The following PTPRS variants were observed in gnomAD, a reference collection of about 807,000 sequenced individuals.
The protein encoded by PTPRS is protein tyrosine phosphatase receptor type S, also known as receptor-type tyrosine-protein phosphatase S.
PTPRS carries 63 observed loss-of-function variants against 215.3 expected under a neutral mutation model. That is an observed-to-expected ratio of 0.29 (90% CI 0.24 to 0.36). The LOEUF is 0.36. PTPRS is among the 10% of genes least tolerant of loss of function. The pLI, the probability that PTPRS is intolerant of heterozygous loss-of-function variation, is 1.00. For missense variants in PTPRS, 2,258 were observed against 2,825.8 expected (o/e 0.80, Z 4.56); for synonymous variants, 1,404 against 1,191.4 (o/e 1.18, Z -3.68).
chr19:5,234,449 A>G (rs1427937389), intron 13 of PTPRS, among the ~76,000 whole-genome samples: 1 of 152,174 alleles, frequency 6.6e-6, no homozygotes, highest in Non-Finnish European at 1.5e-5. Flanking sequence ...TAAAGATCAC[A>G]GCACTTCTGT....
chr19:5,267,489 T>C (rs1396970297), intron 4 of PTPRS, among the ~76,000 whole-genome samples: 1 of 151,908 alleles, frequency 6.6e-6, no homozygotes, highest in African/African-American at 2.4e-5. Flanking sequence ...AAACCCCGTC[T>C]CTACTAAAAA....
At chr19:5,312,545 C>T (rs1198278008) in intron 1 of PTPRS, among the ~76,000 whole-genome samples, 2 of 152,052 alleles carry the variant, frequency 1.3e-5, no homozygotes, top group Non-Finnish European at 2.9e-5. Context: ...CCTGTAGTCC[C>T]AGCCACTTGA....
At position 5,257,533 on chromosome 19, in the gene PTPRS, G is replaced by A; in HGVS notation, c.706+484C>T. On this transcript the variant is annotated intron_variant, in intron 8 of 37. Transcript: ENST00000262963. This position sits in a 1 kb window ranked among gnomAD's most constrained non-coding sequence, Gnocchi z 4.4. Reference sequence around the variant, plus strand: ...ACCCCTCCTCAACTTCTAGATTGAGGGCCCTGGATTAGGGGGGGCAGTGAA... The same window carrying A: ...ACCCCTCCTCAACTTCTAGATTGAGAGCCCTGGATTAGGGGGGGCAGTGAA... 1 of 449,074 alleles carries A rather than the reference G, an allele frequency of 2.2e-6. No individual in the cohort carries two copies. Among genetic ancestry groups the A allele is most frequent in the Non-Finnish European group, 4.5e-6 (1 of 223,432 alleles). 27.8% of individuals were successfully genotyped at this position (449,074 alleles called of 1,614,324 possible).
rs116727277 is a variant in PTPRS, at chr19:5,212,256, G to A, written c.4770-6C>T. On this transcript the variant is annotated splice_region_variant and splice_polypyrimidine_tract_variant and intron_variant, in intron 31 of 37. Coordinates refer to ENST00000262963, the MANE Select transcript of PTPRS (RefSeq NM_002850.4). The stretch of plus-strand genomic sequence containing the variant: ...CTGTGCGGCCCACACCGGCACTGCA[G>A]GGACAGCCACGTGGCGTTCAGGGGC... The A allele has an allele frequency of 2.7e-3, 4,323 of 1,609,414 alleles. 82 individuals carry two copies. The African/African-American group carries it at 0.048, about 18-fold the overall frequency.
chr19:5,222,335 G>C (rs546402538), intron 18 of PTPRS, 115 bp from the exon 19 acceptor site: 1 of 867,162 alleles, frequency 1.2e-6, no homozygotes, highest in Non-Finnish European at 1.9e-6. Context: ...CCTGTCGTCC[G>C]CTGTGCCCAT....
At chr19:5,306,924 C>T (rs1013184354) in intron 1 of PTPRS, among the ~76,000 whole-genome samples, 2 of 152,176 alleles carry the variant, frequency 1.3e-5, no homozygotes, top group East Asian at 1.9e-4. Flanking sequence ...GACACTTTCC[C>T]GTGAAATGAC....
At chr19:5,317,477 A>G (rs7255135) in intron 1 of PTPRS, among the ~76,000 whole-genome samples, 46,989 of 152,136 alleles carry the variant, frequency 0.31, 8,428 homozygotes, top group African/African-American at 0.49. Context: ...CTCAAAAACA[A>G]AAAACACAAA....
At chr19:5,219,900 G>A in intron 22 of PTPRS, 39 bp downstream of exon 22, 1 of 1,594,306 alleles carries the variant, frequency 6.3e-7, no homozygotes, top group Non-Finnish European at 8.6e-7. Context: ...CTCATTCAGA[G>A]GTGTGTCTGG....
chr19:5,208,413 C>G, intron 35 of PTPRS, 22 bp from the exon 36 acceptor site: 1 of 1,552,268 alleles, frequency 6.4e-7, no homozygotes, highest in Non-Finnish European at 8.7e-7. Context: ...AGAGCCCAAT[C>G]TTGTTATCAG....
chr19:5,280,951 C>A (rs796351114), intron 2 of PTPRS, among the ~76,000 whole-genome samples: 56 of 151,748 alleles, frequency 3.7e-4, no homozygotes, highest in African/African-American at 1.3e-3. Context: ...ACCACAACAC[C>A]CAGCTGATTT....
At position 5,265,100 on chromosome 19, in the gene PTPRS, C is replaced by A; in HGVS notation, c.476G>T (p.Ser159Ile). The A allele has an allele frequency of 6.2e-7, 1 of 1,614,194 alleles. No individual in the cohort carries two copies. The highest frequency in any genetic ancestry group is 8.5e-7 in the Non-Finnish European group (1 of 1,180,040). Reference protein sequence around the residue: ...TRTATMLCAASGNPDPEITWF... With the variant: ...TRTATMLCAAIGNPDPEITWF... ...GGTGATCTCAGGGTCAGGGTTGCCG[C>A]TGGCTGCACAGAGCATGGTGGCTGT... The change falls in exon 5 of 38, where the codon AGC (serine) becomes ATC (isoleucine). Residue 159 changes from serine (S) to isoleucine (I), a missense_variant. This residue lies in a region of PTPRS where 508 missense variants were observed against 799.4 expected (regional missense o/e 0.64). Coordinates refer to ENST00000262963, the MANE Select transcript of PTPRS (RefSeq NM_002850.4).
At chr19:5,321,309 G>A (rs572777309) in intron 1 of PTPRS, among the ~76,000 whole-genome samples, 2 of 152,236 alleles carry the variant, frequency 1.3e-5, no homozygotes, top group Admixed American at 1.3e-4. Context: ...CAAGGTAACA[G>A]GGAAATGTGA....
chr19:5,308,037 T>C (rs184155925), intron 1 of PTPRS, among the ~76,000 whole-genome samples: 2 of 152,348 alleles, frequency 1.3e-5, no homozygotes, highest in Admixed American at 6.5e-5. Flanking sequence ...AAGAGACTGC[T>C]ACTGGGGAAA....
intron 16 of PTPRS, among the ~76,000 whole-genome samples, chr19:5,228,494 T>C (rs2042719905): frequency 6.6e-6 from 1 of 151,996 alleles, no homozygotes; most frequent in Non-Finnish European, 1.5e-5. Context: ...TACAGGTGCC[T>C]GCCACCACAC....
At chr19:5,240,770 C>T (rs1343224836) in intron 11 of PTPRS, among the ~76,000 whole-genome samples, 1 of 150,678 alleles carries the variant, frequency 6.6e-6, no homozygotes, top group African/African-American at 2.4e-5. Context: ...ACCCGGGAGG[C>T]GGAGCTTGCA....
Position 5,281,893 on chromosome 19 carries a change from C to T in PTPRS, c.91+4157G>A, listed in dbSNP as rs10403067. Among the ~76,000 whole-genome samples the T allele has an allele frequency of 6.7e-3, 1,020 of 152,340 alleles. 15 individuals are homozygous for T. Among genetic ancestry groups the T allele is most frequent in the African/African-American group, 0.023 (965 of 41,568 alleles). ...GTGCTACAATCAGCCACTGTCTGTG[C>T]TGTTCCTTCCTCCCAGGGTCCCGTC... On this transcript the variant is annotated intron_variant, in intron 2 of 37. Transcript: ENST00000262963.
intron 13 of PTPRS, among the ~76,000 whole-genome samples, chr19:5,238,397 G>A (rs1029373702): frequency 6.6e-6 from 1 of 152,156 alleles, no homozygotes; most frequent in Non-Finnish European, 1.5e-5. Flanking sequence ...CTCGGGAACT[G>A]GGACCTCGTC....
At chr19:5,319,577 T>TA (rs1219002613) in intron 1 of PTPRS, among the ~76,000 whole-genome samples, 56 of 151,954 alleles carry the variant, frequency 3.7e-4, no homozygotes, top group Non-Finnish European at 2.9e-5. Flanking sequence ...CCCACCTCTC[T>TA]AGGGCTCAAA....
At chr19:5,226,199 T>C (rs1186961930) in intron 16 of PTPRS, among the ~76,000 whole-genome samples, 3 of 152,200 alleles carry the variant, frequency 2.0e-5, no homozygotes, top group Non-Finnish European at 4.4e-5. Context: ...CAGCCCTCCA[T>C]GGCTCCCACC....
Sources: allele counts gnomAD v4.1 joint callset (sites outside exome capture counted in the v4.1 genomes callset), GRCh38; gene constraint gnomAD v4.1.1; regional missense constraint gnomAD v4.1.1; non-coding constraint Gnocchi (gnomAD v3.1); transcripts MANE v1.5; gene names NCBI Gene and HGNC (gene_info 2026-07-23, HGNC 2026-07-21).